Variants in DEPDC5 observed in about 807,000 individuals in gnomAD.
DEPDC5 encodes the protein DEP domain containing 5, GATOR1 subcomplex subunit.
Under a neutral mutation model 217.3 loss-of-function variants are expected in DEPDC5, and 73 were observed. That is an observed-to-expected ratio of 0.34 (90% CI 0.28 to 0.41). DEPDC5 has a LOEUF of 0.41. Ranked by LOEUF, DEPDC5 falls within the 10% of genes least tolerant of loss-of-function variation. DEPDC5 has a pLI of 1.00. For missense variants in DEPDC5, 1,675 were observed against 2,070.1 expected (o/e 0.81, Z 3.70); for synonymous variants, 733 against 756.7 (o/e 0.97, Z 0.51).
chr22:31,832,255 A>G (rs988837170), intron 24 of DEPDC5, among the ~76,000 whole-genome samples: 2 of 152,238 alleles, frequency 1.3e-5, no homozygotes, highest in African/African-American at 4.8e-5. Flanking sequence ...TTATATGAAC[A>G]AAGTTTTCGT....
rs149297868 is a variant in DEPDC5 at position 31,791,961 on chromosome 22, A to G, written c.625-72A>G. ...AAAAAAAAAAAAAAAAGAATATTAT[A>G]TGCATGCAGTCTGCTTCATAGTGAA... On this transcript the variant is annotated intron_variant, in intron 10 of 42. Coordinates refer to ENST00000651528, the MANE Select transcript of DEPDC5 (RefSeq NM_001242896.3). The G allele has an allele frequency of 3.7e-3, 2,105 of 572,034 alleles. 17 individuals carry two copies. Among genetic ancestry groups the G allele is most frequent in the South Asian group, 0.02 (984 of 49,604 alleles). 35.4% of individuals were successfully genotyped at this position (572,034 alleles called of 1,614,324 possible).
chr22:31,837,950 A>T (rs1310071575), intron 26 of DEPDC5, among the ~76,000 whole-genome samples: 1 of 151,122 alleles, frequency 6.6e-6, no homozygotes, highest in East Asian at 2.0e-4. Flanking sequence ...TGATCCACCC[A>T]CCTCGGCCTC....
chr22:31,889,642 G>A (rs1405627676), intron 38 of DEPDC5, among the ~76,000 whole-genome samples: 1 of 142,438 alleles, frequency 7.0e-6, no homozygotes. Flanking sequence ...CCAGGTTCAC[G>A]CCATTCTCCT....
intron 4 of DEPDC5, among the ~76,000 whole-genome samples, chr22:31,761,028 T>C (rs1158417411): frequency 6.6e-6 from 1 of 151,572 alleles, no homozygotes; most frequent in African/African-American, 2.4e-5. Context: ...GTCACCCAGG[T>C]TGGAGTGCAG....
chr22:31,885,673 C>T lies in DEPDC5; in HGVS notation c.4033+5921C>T, dbSNP rs148389162. 6.6e-3 allele frequency among the ~76,000 whole-genome samples: 976 copies of T among 146,984 alleles called. 12 individuals are homozygous for T. The highest frequency in any genetic ancestry group is 0.023 in the African/African-American group (918 of 39,470). On this transcript the variant is annotated intron_variant, in intron 38 of 42. Coordinates refer to ENST00000651528, the MANE Select transcript of DEPDC5 (RefSeq NM_001242896.3). ...CTGGGAGGCAGAGCTTGCAGTGAGC[C>T]GAGATCATGCCGCTGCACTCCAGCC... is the stretch of plus-strand genomic sequence containing the variant.
chr22:31,800,696 G>C (rs2086774720), intron 14 of DEPDC5, among the ~76,000 whole-genome samples: 1 of 152,016 alleles, frequency 6.6e-6, no homozygotes, highest in Non-Finnish European at 1.5e-5. Context: ...TACAAAAATA[G>C]CCAGGTATGG....
In DEPDC5 at chr22:31,784,022, G is replaced by T. The variant is rs753779082; in HGVS notation, c.562+37G>T. On this transcript the variant is annotated intron_variant, in intron 9 of 42. Transcript: ENST00000651528. ...ATGTGCTGATTGTAACTGCTAAGGG[G>T]AGAATTTTCTGGAACTGCAAATGCT... 18 of 1,558,664 alleles carry T rather than the reference G, an allele frequency of 1.2e-5. No homozygotes were observed. The Admixed American group carries it at 3.2e-4, about 28-fold the overall frequency.
chr22:31,873,524 T>G (rs906214283), intron 35 of DEPDC5, among the ~76,000 whole-genome samples, 192 bp downstream of exon 35: 1 of 152,094 alleles, frequency 6.6e-6, no homozygotes, highest in South Asian at 2.1e-4. Context: ...TTTGTTTTTT[T>G]TTTTTGAGGC....
At chr22:31,845,689 C>T (rs1305549403) in intron 30 of DEPDC5, among the ~76,000 whole-genome samples, 3 of 151,982 alleles carry the variant, frequency 2.0e-5, no homozygotes, top group Non-Finnish European at 4.4e-5. Flanking sequence ...ATGGAATATG[C>T]CAGCTATAAG....
chr22:31,765,959 G>C (rs1387860654), intron 5 of DEPDC5, among the ~76,000 whole-genome samples: 1 of 152,176 alleles, frequency 6.6e-6, no homozygotes, highest in Admixed American at 6.5e-5. Flanking sequence ...GGAGGCGGAG[G>C]CTGCAGTGAG....
chr22:31,882,265 C>T (rs886082713), intron 38 of DEPDC5, among the ~76,000 whole-genome samples: 7 of 152,060 alleles, frequency 4.6e-5, no homozygotes, highest in Admixed American at 1.3e-4. Flanking sequence ...TTCATCTCTG[C>T]GGAACAAGGA....
At chr22:31,901,213 A>T (rs2149416558) in intron 40 of DEPDC5, among the ~76,000 whole-genome samples, 1 of 151,626 alleles carries the variant, frequency 6.6e-6, no homozygotes, top group East Asian at 2.0e-4. Context: ...ACTGCATTCC[A>T]GCCTGGGTGA....
intron 10 of DEPDC5, among the ~76,000 whole-genome samples, chr22:31,786,943 T>C (rs1046293613): frequency 6.6e-6 from 1 of 152,092 alleles, no homozygotes; most frequent in Non-Finnish European, 1.5e-5. Flanking sequence ...CATGCCCAGC[T>C]AATTTTTTGT....
chr22:31,874,875 C>T (rs2092947871), intron 36 of DEPDC5, among the ~76,000 whole-genome samples: 1 of 152,172 alleles, frequency 6.6e-6, no homozygotes, highest in African/African-American at 2.4e-5. Context: ...TCAACCAGCT[C>T]CTTGAGAGCA....
chr22:31,889,192 T>C (rs2093383215), intron 38 of DEPDC5, among the ~76,000 whole-genome samples: 2 of 152,232 alleles, frequency 1.3e-5, no homozygotes, highest in East Asian at 1.9e-4. Flanking sequence ...TTATTGGTCT[T>C]GTGTGAATAA....
intron 22 of DEPDC5, among the ~76,000 whole-genome samples, chr22:31,820,719 TCTC>T (rs1424392648): frequency 3.3e-5 from 5 of 152,122 alleles, no homozygotes; most frequent in African/African-American, 1.2e-4. Context: ...CTTCTGTGCT[TCTC>T]CTCCTCCCAC....
At chr22:31,812,420 C>CTTTTTTTTTTTTTTTTT (rs57618137) in intron 20 of DEPDC5, among the ~76,000 whole-genome samples, 1 of 98,286 alleles carries the variant, frequency 1.0e-5, no homozygotes, top group Non-Finnish European at 1.9e-5. Flanking sequence ...TTCCATATTT[C>CTTTTTTTTTTTTTTTTT]TTTTTTTTTT....
At chr22:31,822,965 A>C in intron 24 of DEPDC5, 175 bp downstream of exon 24, 1 of 604,250 alleles carries the variant, frequency 1.7e-6, no homozygotes, top group South Asian at 2.0e-5. Context: ...AATGGGCTGC[A>C]CGTTAACATT....
At chr22:31,881,188 G>A (rs1003376260) in intron 38 of DEPDC5, among the ~76,000 whole-genome samples, 1 of 151,752 alleles carries the variant, frequency 6.6e-6, no homozygotes, top group African/African-American at 2.4e-5. Flanking sequence ...TGTAATCCCA[G>A]CTACTCCGGA....
Sources: gnomAD v4.1 joint callset for allele counts (sites outside exome capture counted in the v4.1 genomes callset) on GRCh38, gnomAD v4.1.1 for gene constraint, MANE v1.5 for transcripts, NCBI Gene and HGNC (gene_info 2026-07-23, HGNC 2026-07-21) for gene names.